NDST3: variants seen among roughly 807,000 people sequenced by gnomAD.
NDST3 encodes bifunctional heparan sulfate N-deacetylase/N-sulfotransferase 3.
A neutral mutation model predicts 96.1 loss-of-function variants in NDST3; 58 were observed. That is an observed-to-expected ratio of 0.60 (90% CI 0.49 to 0.75). NDST3 has a LOEUF of 0.75. Ranked by LOEUF, NDST3 falls within the 30% of genes least tolerant of loss-of-function variation. The pLI is 0.00. For synonymous variants in NDST3, 333 were observed against 359.7 expected (o/e 0.93, Z 0.84); for missense variants, 788 against 1,034.2 (o/e 0.76, Z 3.27).
Position 118,054,327 on chromosome 4 carries a change from T to C in NDST3, c.417T>C (p.Tyr139=), listed in dbSNP as rs775781756. ...ILIIYENILK[Y]INMDSWNRSL... Reference sequence around the variant, plus strand: ...TTATTTATGAGAATATTTTAAAGTATATAAATATGGATTCCTGGAATCGAA... The same window carrying C: ...TTATTTATGAGAATATTTTAAAGTACATAAATATGGATTCCTGGAATCGAA... The change falls in exon 2 of 14, where the codon TAT becomes TAC. Residue 139 remains tyrosine (Y), a synonymous_variant. Transcript: ENST00000296499. 2 of 1,609,948 alleles carry C rather than the reference T, an allele frequency of 1.2e-6. No homozygotes were observed. Among genetic ancestry groups the C allele is most frequent in the Non-Finnish European group, 8.5e-7 (1 of 1,177,376 alleles).
intron 6 of NDST3, among the ~76,000 whole-genome samples, chr4:118,200,254 T>C (rs1737981475): frequency 1.3e-5 from 2 of 152,218 alleles, no homozygotes; most frequent in Non-Finnish European, 2.9e-5. Flanking sequence ...AAGCTGGCAC[T>C]CAAACCACAA....
At position 118,143,556 on chromosome 4, in the gene NDST3, G is replaced by A. The variant is rs1459441062; in HGVS notation, c.1411G>A (p.Val471Ile). 8 of 1,592,032 alleles carry A rather than the reference G, an allele frequency of 5.0e-6. No homozygotes were observed. Among genetic ancestry groups the A allele is most frequent in the Non-Finnish European group, 6.8e-6 (8 of 1,173,930 alleles). Residue 471 changes from valine to isoleucine, a missense_variant and splice_region_variant, in exon 6 of 14, where the codon GTT becomes ATT. Val to Ile is a conservative substitution (Grantham distance 29). Around this residue, in one of 3 missense-constraint regions of NDST3, gnomAD observed 490 missense variants for 708.8 expected, o/e 0.69. Transcript: ENST00000296499. ...RRGFIHKNIMVLPRQTCGLFT... is the reference protein window; with the variant it reads ...RRGFIHKNIMILPRQTCGLFT... The stretch of plus-strand genomic sequence containing the variant: ...CTTACTTTTTTCATTTTTCCTTCAG[G>A]TTCTCCCAAGACAAACCTGTGGGCT...
chr4:118,236,556 T>C (rs1004806311), intron 9 of NDST3, among the ~76,000 whole-genome samples: 2 of 152,238 alleles, frequency 1.3e-5, no homozygotes, highest in African/African-American at 4.8e-5. Context: ...TTTCACACTA[T>C]GTGATTAAAC....
chr4:118,074,483 T>C (rs1727337417), intron 2 of NDST3, among the ~76,000 whole-genome samples: 1 of 152,228 alleles, frequency 6.6e-6, no homozygotes, highest in Non-Finnish European at 1.5e-5. Flanking sequence ...TTGAACCTTT[T>C]ATCATTATGT....
intron 6 of NDST3, among the ~76,000 whole-genome samples, chr4:118,163,044 C>A (rs534312053): frequency 2.4e-4 from 37 of 152,102 alleles, no homozygotes; most frequent in Non-Finnish European, 4.0e-4. Flanking sequence ...ATCAAAACCA[C>A]AATGAGATAC....
In NDST3 at chr4:118,240,521, T is replaced by C. The variant is rs772469693; in HGVS notation, c.2119-3T>C. 8 of 1,594,592 alleles carry C rather than the reference T, an allele frequency of 5.0e-6. No homozygotes were observed. The South Asian group carries it at 5.7e-5, about 11-fold the overall frequency. ...AGTTTAATTATCCACCTTTTCATCA[T>C]AGCATCAGCGATCACATGAAGACCC... On this transcript the variant is annotated splice_region_variant and splice_polypyrimidine_tract_variant and intron_variant, in intron 10 of 13. Transcript: ENST00000296499.
chr4:118,203,915 C>T (rs1738260470), intron 6 of NDST3, among the ~76,000 whole-genome samples: 1 of 152,086 alleles, frequency 6.6e-6, no homozygotes, highest in Admixed American at 6.5e-5. Context: ...ACAAAAATCC[C>T]TATAAATTTC....
intron 6 of NDST3, among the ~76,000 whole-genome samples, chr4:118,212,561 A>T (rs1445621019): frequency 6.6e-6 from 1 of 152,186 alleles, no homozygotes; most frequent in African/African-American, 2.4e-5. Flanking sequence ...TTTATAAATA[A>T]ATAAGAAATT....
intron 3 of NDST3, among the ~76,000 whole-genome samples, chr4:118,108,210 G>A (rs6848598): frequency 0.85 from 128,715 of 152,170 alleles, 56,239 homozygotes; most frequent in South Asian, 0.96. Context: ...TTACAACTCA[G>A]GGTGAGATTT....
chr4:118,107,929 G>T (rs889480718), intron 3 of NDST3, among the ~76,000 whole-genome samples: 4 of 152,120 alleles, frequency 2.6e-5, no homozygotes, highest in African/African-American at 9.7e-5. Flanking sequence ...CTGAGACTGG[G>T]TAATTTATAA....
intron 4 of NDST3, among the ~76,000 whole-genome samples, chr4:118,127,554 T>G (rs1479650934): frequency 6.6e-6 from 1 of 152,102 alleles, no homozygotes; most frequent in Non-Finnish European, 1.5e-5. Flanking sequence ...GGTCTATGTA[T>G]CTGCCTATAT....
chr4:118,226,267 T>C (rs1269840131), intron 7 of NDST3, among the ~76,000 whole-genome samples: 2 of 152,204 alleles, frequency 1.3e-5, no homozygotes, highest in South Asian at 2.1e-4. Context: ...TTAAATATTA[T>C]AGACCAAAAG....
At chr4:118,094,241 A>G (rs1204500635) in intron 2 of NDST3, among the ~76,000 whole-genome samples, 1 of 151,778 alleles carries the variant, frequency 6.6e-6, no homozygotes, top group African/African-American at 2.4e-5. Flanking sequence ...CTGCAATGTA[A>G]TTCTAGTGGA....
chr4:118,227,227 G>GGT (rs1739946881), intron 8 of NDST3, among the ~76,000 whole-genome samples: 1 of 40,472 alleles, frequency 2.5e-5, no homozygotes, highest in African/African-American at 4.1e-5. Flanking sequence ...GGTAGCACAT[G>GGT]TTTTTTTTTT....
rs191309575 is a variant in NDST3, at chr4:118,163,362, T to C, written c.1539+19678T>C. ...ACTTGGAACCAACCCAAATGTCCAA[T>C]AATGATAGACTGGATTAAGAAAATG... On this transcript the variant is annotated intron_variant, in intron 6 of 13. Transcript: ENST00000296499. Among the ~76,000 whole-genome samples the C allele has an allele frequency of 4.0e-3, 602 of 149,514 alleles. 27 individuals carry two copies. The East Asian group carries it at 0.082, about 20-fold the overall frequency.
chr4:118,207,736 T>A (rs1298815543), intron 6 of NDST3, among the ~76,000 whole-genome samples: 1 of 145,004 alleles, frequency 6.9e-6, no homozygotes, highest in Non-Finnish European at 1.5e-5. Context: ...ACATTAGTGT[T>A]TAATGAAACC....
At position 118,054,075 on chromosome 4, in the gene NDST3, C is replaced by G. The variant is rs1264979341; in HGVS notation, c.165C>G (p.Leu55=). The G allele has an allele frequency of 6.2e-7, 1 of 1,612,988 alleles. No individual in the cohort carries two copies. The change falls in exon 2 of 14, where the codon CTC becomes CTG. Residue 55 remains leucine (L), a synonymous_variant. Transcript: ENST00000296499. ...ETASEVDCGD[L]QHLPYQLMEV... ...CTTCAGAAGTTGACTGTGGCGACCT[C>G]CAACACCTACCATATCAACTAATGG...
intron 6 of NDST3, among the ~76,000 whole-genome samples, chr4:118,188,960 A>C (rs1347889538): frequency 6.6e-6 from 1 of 152,210 alleles, no homozygotes; most frequent in East Asian, 1.9e-4. Context: ...AACTTCACAT[A>C]ATAACCATAA....
chr4:118,175,771 C>A (rs1463674121), intron 6 of NDST3, among the ~76,000 whole-genome samples: 1 of 152,130 alleles, frequency 6.6e-6, no homozygotes, highest in Non-Finnish European at 1.5e-5. Flanking sequence ...CAGCCTGGAC[C>A]TGTGCTGGAA....
Sources: gnomAD v4.1 joint callset for allele counts (sites outside exome capture counted in the v4.1 genomes callset) on GRCh38, gnomAD v4.1.1 for gene constraint, gnomAD v4.1.1 regional missense constraint, MANE v1.5 for transcripts, NCBI Gene and HGNC (gene_info 2026-07-23, HGNC 2026-07-21) for gene names.